Variants in PTPRT observed in about 807,000 individuals in gnomAD.
PTPRT encodes the protein receptor-type tyrosine-protein phosphatase T.
PTPRT carries 56 observed loss-of-function variants against 176.8 expected under a neutral mutation model. The observed-to-expected ratio is 0.32, with a 90% CI of 0.26 to 0.40. The LOEUF is 0.40. Among genes scored for constraint, PTPRT ranks in the 10% least tolerant of loss-of-function variants. The pLI is 1.00. For missense variants in PTPRT, 1,540 were observed against 1,908.2 expected, an observed-to-expected ratio of 0.81 and a Z score of 3.60; for synonymous variants, 783 against 739.0, an observed-to-expected ratio of 1.06 and a Z score of -0.96.
intron 7 of PTPRT, among the ~76,000 whole-genome samples, chr20:42,577,373 GCATGAAAGGACCAC>G (rs1254147817): frequency 1.3e-5 from 2 of 152,292 alleles, no homozygotes; most frequent in East Asian, 3.9e-4. Flanking sequence ...GCAGAAGCCA[GCATGAAAGGACCAC>G]CAGGCTGTGC....
At chr20:42,565,772 A>C (rs1021889862) in intron 7 of PTPRT, among the ~76,000 whole-genome samples, 1 of 151,994 alleles carries the variant, frequency 6.6e-6, no homozygotes, top group African/African-American at 2.4e-5. Context: ...CGGGGCAGGG[A>C]GTGGGGTTTG....
At chr20:42,320,872 G>T (rs1446458559) in intron 11 of PTPRT, among the ~76,000 whole-genome samples, 2 of 152,166 alleles carry the variant, frequency 1.3e-5, no homozygotes, top group African/African-American at 4.8e-5. Context: ...TTGTGTGAGG[G>T]TCAGACAAGG....
At chr20:42,632,394 T>C (rs2074429279) in intron 7 of PTPRT, among the ~76,000 whole-genome samples, 1 of 151,900 alleles carries the variant, frequency 6.6e-6, no homozygotes, top group African/African-American at 2.4e-5. Context: ...CTGGCTAATT[T>C]TTGCATTTTT....
intron 16 of PTPRT, among the ~76,000 whole-genome samples, chr20:42,195,827 T>C (rs1170864715): frequency 6.6e-6 from 1 of 152,188 alleles, no homozygotes; most frequent in Non-Finnish European, 1.5e-5. Context: ...TGCACACACA[T>C]ACATACACAC....
chr20:43,139,658 G>C (rs1213998952), intron 1 of PTPRT, among the ~76,000 whole-genome samples: 4 of 152,210 alleles, frequency 2.6e-5, no homozygotes, highest in Non-Finnish European at 4.4e-5. Context: ...ATTTACCTAT[G>C]AGGGAGGGAG....
chr20:42,821,106 A>C (rs1430463842), intron 2 of PTPRT, among the ~76,000 whole-genome samples: 1 of 152,190 alleles, frequency 6.6e-6, no homozygotes, highest in Non-Finnish European at 1.5e-5. Context: ...AAGACACAAC[A>C]AAAAAGGAAA....
At chr20:42,412,723 A>G (rs2059029859) in intron 9 of PTPRT, among the ~76,000 whole-genome samples, 1 of 152,220 alleles carries the variant, frequency 6.6e-6, no homozygotes, top group Non-Finnish European at 1.5e-5. Context: ...ATAAGAAGTA[A>G]AGTACTAATA....
At chr20:42,496,803 A>G (rs2071662653) in intron 7 of PTPRT, among the ~76,000 whole-genome samples, 2 of 152,114 alleles carry the variant, frequency 1.3e-5, no homozygotes, top group Non-Finnish European at 2.9e-5. Flanking sequence ...AACGATGATG[A>G]CATCTTCAAT....
At chr20:43,184,755 G>A (rs1381505339) in intron 1 of PTPRT, among the ~76,000 whole-genome samples, 6 of 151,634 alleles carry the variant, frequency 4.0e-5, no homozygotes, top group African/African-American at 1.5e-4. Flanking sequence ...CCGCTGTATT[G>A]ACACATCGAT....
chr20:42,122,274 A>T (rs1274323449), intron 19 of PTPRT, among the ~76,000 whole-genome samples: 1 of 152,196 alleles, frequency 6.6e-6, no homozygotes, highest in African/African-American at 2.4e-5. Context: ...CTATTCTAAG[A>T]TTTAACATAT....
intron 1 of PTPRT, among the ~76,000 whole-genome samples, chr20:43,093,989 A>T (rs2146311500): frequency 6.6e-6 from 1 of 152,154 alleles, no homozygotes; most frequent in East Asian, 1.9e-4. Flanking sequence ...CCACCATTAA[A>T]AATGAGCCCC....
At position 42,791,308 on chromosome 20, in the gene PTPRT, T is replaced by C. The variant is rs1262417494; in HGVS notation, c.373A>G (p.Lys125Glu). The change falls in exon 3 of 31, where the codon AAG becomes GAG. Residue 125 changes from lysine to glutamate, a missense_variant. Coordinates refer to ENST00000373187, the MANE Select transcript of PTPRT (RefSeq NM_007050.6). ...TTCCCTTGGGGGCCACCATTCACCTTCACGTAGACGTTCAAGGCCCCTGGG... is the reference window on the plus strand; with the variant it reads ...TTCCCTTGGGGGCCACCATTCACCTCCACGTAGACGTTCAAGGCCCCTGGG... ...SSPGALNVYV[K>E]VNGGPQGNPV... 1.2e-6 allele frequency: 2 copies of C among 1,614,168 alleles called. No individual in the cohort carries two copies. The highest frequency in any genetic ancestry group is 2.7e-5 in the African/African-American group (2 of 75,052).
At chr20:42,390,143 T>G (rs2058787192) in intron 9 of PTPRT, among the ~76,000 whole-genome samples, 1 of 152,188 alleles carries the variant, frequency 6.6e-6, no homozygotes. Flanking sequence ...CAGCAGCTAG[T>G]ATAATACTTG....
At chr20:42,737,792 C>T (rs1169288530) in intron 6 of PTPRT, among the ~76,000 whole-genome samples, 3 of 152,156 alleles carry the variant, frequency 2.0e-5, no homozygotes, top group Non-Finnish European at 4.4e-5. Context: ...GCAGCCCTGG[C>T]AAACTAATAC....
chr20:42,706,032 T>C (rs928331667), intron 6 of PTPRT, among the ~76,000 whole-genome samples: 1 of 152,038 alleles, frequency 6.6e-6, no homozygotes, highest in African/African-American at 2.4e-5. Context: ...GGAACAGGTT[T>C]CCCAAGCTCC....
At chr20:43,053,391 C>A (rs2425574) in intron 1 of PTPRT, among the ~76,000 whole-genome samples, 57,137 of 152,056 alleles carry the variant, frequency 0.38, 14,131 homozygotes, top group African/African-American at 0.7. Context: ...ACCAGCTACC[C>A]GGGTGGTTTC....
At chr20:42,511,623 C>T (rs1221033988) in intron 7 of PTPRT, among the ~76,000 whole-genome samples, 4 of 151,544 alleles carry the variant, frequency 2.6e-5, no homozygotes, top group Non-Finnish European at 5.9e-5. Flanking sequence ...ACTAGGAGCT[C>T]GATAAAGATC....
chr20:42,162,405 T>C (rs748429801), intron 16 of PTPRT, among the ~76,000 whole-genome samples: 1 of 152,222 alleles, frequency 6.6e-6, no homozygotes, highest in Non-Finnish European at 1.5e-5. Flanking sequence ...GTCAGTTTGG[T>C]CACCCTGAAA....
At chr20:42,348,806 T>C (rs2058234596) in intron 11 of PTPRT, among the ~76,000 whole-genome samples, 1 of 152,188 alleles carries the variant, frequency 6.6e-6, no homozygotes. Context: ...TCCCTGTGTC[T>C]GTTTTGTAGA....
Sources: allele counts gnomAD v4.1 joint callset (sites outside exome capture counted in the v4.1 genomes callset), GRCh38; gene constraint gnomAD v4.1.1; transcripts MANE v1.5; gene names NCBI Gene and HGNC (gene_info 2026-07-23, HGNC 2026-07-21).